The following THSD7B variants were observed in gnomAD, a reference collection of about 807,000 sequenced individuals.
THSD7B encodes the protein thrombospondin type-1 domain-containing protein 7B.
Under a neutral mutation model 213.6 loss-of-function variants are expected in THSD7B, and 138 were observed. That is an observed-to-expected ratio of 0.65 (90% CI 0.56 to 0.74). THSD7B has a LOEUF of 0.74. THSD7B is among the 30% of genes least tolerant of loss of function. The pLI is 0.00. For synonymous variants in THSD7B, 742 were observed against 687.0 expected (o/e 1.08, Z -1.25); for missense variants, 1,931 against 1,991.5 (o/e 0.97, Z 0.58).
At chr2:137,114,371 A>T (rs1009902892) in intron 4 of THSD7B, among the ~76,000 whole-genome samples, 3 of 152,230 alleles carry the variant, frequency 2.0e-5, no homozygotes, top group Admixed American at 6.5e-5. Flanking sequence ...TGAATGTAGT[A>T]GTGTGATAGT....
chr2:136,834,693 A>G (rs968145916), intron 1 of THSD7B, among the ~76,000 whole-genome samples: 3 of 152,106 alleles, frequency 2.0e-5, no homozygotes, highest in African/African-American at 7.2e-5. Flanking sequence ...TTAAAAGAAG[A>G]TGATTTTATG....
Position 137,243,284 on chromosome 2 carries a change from G to A in THSD7B, c.2266+712G>A, listed in dbSNP as rs570455521. On this transcript the variant is annotated intron_variant, in intron 10 of 27. Coordinates refer to ENST00000409968, the MANE Select transcript of THSD7B (RefSeq NM_001316349.2). ...ATCCTCATCCCAAAACTCCATTTTG[G>A]CCTAAGATCTAGAGTTAATAACTTA... is the stretch of plus-strand genomic sequence containing the variant. 2.6e-5 allele frequency among the ~76,000 whole-genome samples: 4 copies of A among 152,240 alleles called. No homozygotes were observed. In the East Asian group the frequency reaches 5.8e-4, roughly 22 times the overall value.
At chr2:136,780,932 C>A (rs1681730473) in intron 1 of THSD7B, among the ~76,000 whole-genome samples, 1 of 152,086 alleles carries the variant, frequency 6.6e-6, no homozygotes, top group South Asian at 2.1e-4. Context: ...GGGTGGATAG[C>A]CGTAGTGAAG....
chr2:137,381,052 C>G (rs1685762828), intron 12 of THSD7B, among the ~76,000 whole-genome samples: 1 of 152,210 alleles, frequency 6.6e-6, no homozygotes, highest in Admixed American at 6.5e-5. Flanking sequence ...GACACTCACC[C>G]TTTGACTCCC....
chr2:137,516,547 T>C (rs750102509), intron 15 of THSD7B, among the ~76,000 whole-genome samples: 26 of 152,186 alleles, frequency 1.7e-4, no homozygotes, highest in Non-Finnish European at 3.7e-4. Flanking sequence ...CTGACCTTGA[T>C]TTCAGGGGAC....
chr2:137,642,791 G>C (rs1344633792), intron 21 of THSD7B, among the ~76,000 whole-genome samples, 158 bp downstream of exon 21: 1 of 152,110 alleles, frequency 6.6e-6, no homozygotes, highest in African/African-American at 2.4e-5. Flanking sequence ...ACAACCAAAT[G>C]GCTTAACCTC....
At chr2:137,096,160 C>T (rs1005874330) in intron 4 of THSD7B, among the ~76,000 whole-genome samples, 1 of 152,202 alleles carries the variant, frequency 6.6e-6, no homozygotes, top group Non-Finnish European at 1.5e-5. Context: ...TCCTGCTGAA[C>T]AGCTGCCCTG....
intron 3 of THSD7B, among the ~76,000 whole-genome samples, chr2:137,080,779 G>T (rs747573117): frequency 6.6e-6 from 1 of 151,256 alleles, no homozygotes; most frequent in Non-Finnish European, 1.5e-5. Flanking sequence ...AAATATTTAC[G>T]TTATTCTTCT....
At chr2:137,425,028 C>T (rs1052160997) in intron 14 of THSD7B, among the ~76,000 whole-genome samples, 8 of 150,534 alleles carry the variant, frequency 5.3e-5, no homozygotes, top group Admixed American at 1.3e-4. Context: ...GCGGAGATCG[C>T]GCCACTGCAC....
At chr2:137,639,599 G>A (rs1316121349) in intron 20 of THSD7B, among the ~76,000 whole-genome samples, 1 of 152,106 alleles carries the variant, frequency 6.6e-6, no homozygotes, top group Admixed American at 6.5e-5. Flanking sequence ...TGGAAAACCT[G>A]CAGACACTCA....
At chr2:137,565,364 T>C (rs1182541531) in intron 16 of THSD7B, among the ~76,000 whole-genome samples, 1 of 151,822 alleles carries the variant, frequency 6.6e-6, no homozygotes, top group Non-Finnish European at 1.5e-5. Flanking sequence ...CTGGCAAGGG[T>C]TTTAGTACTC....
chr2:137,409,634 C>A (rs1004457209), intron 13 of THSD7B, among the ~76,000 whole-genome samples: 5 of 152,038 alleles, frequency 3.3e-5, no homozygotes, highest in African/African-American at 1.2e-4. Context: ...GTTGTAGGAT[C>A]AGAAGAGAGA....
At chr2:137,276,047 T>G (rs1015364718) in intron 12 of THSD7B, 21 bp downstream of exon 12, 2 of 1,517,330 alleles carry the variant, frequency 1.3e-6, no homozygotes, top group Admixed American at 3.8e-5. Flanking sequence ...TTTTACATAG[T>G]TTTTTTTTAT....
chr2:136,797,475 A>G (rs1275810100), intron 1 of THSD7B, among the ~76,000 whole-genome samples: 1 of 152,030 alleles, frequency 6.6e-6, no homozygotes, highest in Non-Finnish European at 1.5e-5. Context: ...TTACTAGTGC[A>G]GATGGAACTT....
intron 5 of THSD7B, among the ~76,000 whole-genome samples, chr2:137,121,831 T>A (rs1688552448): frequency 6.6e-6 from 1 of 152,214 alleles, no homozygotes; most frequent in East Asian, 1.9e-4. Context: ...TGAGTTTGAT[T>A]GAATTCTCTT....
At position 137,642,513 on chromosome 2, in the gene THSD7B, C is replaced by T; in HGVS notation, c.3825C>T (p.Ile1275=). The T allele has an allele frequency of 6.2e-7, 1 of 1,613,888 alleles. No individual in the cohort carries two copies. Among genetic ancestry groups the T allele is most frequent in the South Asian group, 1.1e-5 (1 of 91,078 alleles). ...GTCGAATGAGCCGGACTCGATTTATCATTATGCCAACCCAAGGAGAAGGAC... is the reference window on the plus strand; with the variant it reads ...GTCGAATGAGCCGGACTCGATTTATTATTATGCCAACCCAAGGAGAAGGAC... ...HGGRMSRTRF[I]IMPTQGEGRP... The change falls in exon 21 of 28, where the codon ATC becomes ATT. Residue 1275 remains isoleucine, a synonymous_variant. Transcript: ENST00000409968.
chr2:137,257,662 T>C (rs2105079221), intron 10 of THSD7B, among the ~76,000 whole-genome samples: 2 of 152,330 alleles, frequency 1.3e-5, no homozygotes, highest in Middle Eastern at 3.4e-3. Context: ...TCCATGATGC[T>C]GGTCCCAGTC....
intron 12 of THSD7B, among the ~76,000 whole-genome samples, chr2:137,307,317 C>A (rs1295908519): frequency 2.0e-5 from 3 of 152,086 alleles, no homozygotes; most frequent in Middle Eastern, 3.4e-3. Context: ...CACCACAGAC[C>A]CCCATCAGTC....
At chr2:137,015,143 T>C (rs1686314186) in intron 2 of THSD7B, among the ~76,000 whole-genome samples, 2 of 152,216 alleles carry the variant, frequency 1.3e-5, no homozygotes, top group African/African-American at 2.4e-5. Context: ...GGGCAACGGC[T>C]GTATGTCTTG....
Sources: allele counts gnomAD v4.1 joint callset (sites outside exome capture counted in the v4.1 genomes callset), GRCh38; gene constraint gnomAD v4.1.1; transcripts MANE v1.5; gene names NCBI Gene and HGNC (gene_info 2026-07-23, HGNC 2026-07-21).